The following FAM210B variants were observed in gnomAD, a reference collection of about 807,000 sequenced individuals.
FAM210B encodes mitochondrial inner membrane scaffold 2.
In FAM210B, 11 loss-of-function variants were observed where a neutral mutation model predicts 14.9. The ratio of observed to expected loss-of-function variants is 0.74; its 90% confidence interval spans 0.46 to 1.22. The LOEUF (loss-of-function observed/expected upper bound fraction) is 1.22, where lower values mean the gene tolerates loss of function less well. Ranked by LOEUF, FAM210B falls within the 50% of genes most tolerant of loss-of-function variation. The probability of loss-of-function intolerance (pLI) is 0.00; values close to 1 mark genes in which losing one functional copy is unlikely to be tolerated. For synonymous variants in FAM210B, 113 were observed against 110.2 expected, an observed-to-expected ratio of 1.03 and a Z score of -0.16; for missense variants, 229 against 250.1, an observed-to-expected ratio of 0.92 and a Z score of 0.57.
rs557293763 is a variant in FAM210B at position 56,368,002 on chromosome 20, T to C, written c.*1715T>C. On this transcript the variant is annotated 3_prime_UTR_variant, in exon 3 of 3. Transcript: ENST00000371384. ...AGATCAGGTTGTTGACAGTTCCTGGTTGACCCACAGCTACCCATGTCAGTT... is the reference window on the plus strand; with the variant it reads ...AGATCAGGTTGTTGACAGTTCCTGGCTGACCCACAGCTACCCATGTCAGTT... 6.6e-6 allele frequency: 1 copy of C among 152,560 alleles called. No individual in the cohort carries two copies. The highest frequency in any genetic ancestry group is 2.4e-5 in the African/African-American group (1 of 41,594). 9.5% of individuals were successfully genotyped at this position (152,560 alleles called of 1,614,324 possible).
chr20:56,359,243 G>T lies in FAM210B; in HGVS notation c.186+52G>T, dbSNP rs990023403. The T allele has an allele frequency of 2.8e-5, 34 of 1,216,048 alleles. No homozygotes were observed. Among genetic ancestry groups the T allele is most frequent in the Non-Finnish European group, 3.4e-5 (33 of 978,320 alleles). 75.3% of individuals were successfully genotyped at this position (1,216,048 alleles called of 1,614,324 possible). A position where few individuals can be genotyped will look rare whatever the true frequency, so the allele number is the denominator to read the frequency against. On this transcript the variant is annotated intron_variant, in intron 1 of 2. Transcript: ENST00000371384. The surrounding 1 kb of genome is among the most constrained non-coding windows in gnomAD (Gnocchi z 4.3). ...CCGGGCGGTGTCCAGGTCCCCAGACGTCCGCAGGGCCGCGCCGGGGTCCGG... is the reference window on the plus strand; with the variant it reads ...CCGGGCGGTGTCCAGGTCCCCAGACTTCCGCAGGGCCGCGCCGGGGTCCGG...
Position 56,368,023 on chromosome 20 carries a change from C to G in FAM210B, c.*1736C>G, listed in dbSNP as rs1327581151. ...CTGGTTGACCCACAGCTACCCATGT[C>G]AGTTATCTCCACTAACATATCCAAG... On this transcript the variant is annotated 3_prime_UTR_variant, in exon 3 of 3. Transcript: ENST00000371384. The G allele has an allele frequency of 6.6e-6, 1 of 152,540 alleles. No individual in the cohort carries two copies. The allele number at this position is 152,540 out of a possible 1,614,324, so 9.4% of individuals were successfully genotyped here. A position where few individuals can be genotyped will look rare whatever the true frequency, so the allele number is the denominator to read the frequency against.
At position 56,359,412 on chromosome 20, in the gene FAM210B, C is replaced by T. The variant is rs577282221; in HGVS notation, c.186+221C>T. 9.2e-5 allele frequency among the ~76,000 whole-genome samples: 14 copies of T among 152,254 alleles called. No homozygotes were observed. The highest frequency in any genetic ancestry group is 1.9e-4 in the Non-Finnish European group (13 of 68,044). On this transcript the variant is annotated intron_variant, in intron 1 of 2. Coordinates refer to ENST00000371384, the MANE Select transcript of FAM210B (RefSeq NM_080821.3). The surrounding 1 kb of genome is among the most constrained non-coding windows in gnomAD (Gnocchi z 4.3). ...GAAACTGAGGCTCGGGAAGGTGTGG[C>T]GCTCTGCCCAAGGTCGCGCAGTCTT...
chr20:56,360,247 C>T (rs1027390495), intron 1 of FAM210B: 6 of 470,286 alleles, frequency 1.3e-5, no homozygotes, highest in East Asian at 6.9e-5. Flanking sequence ...CACACCGTGC[C>T]GCCTCCTGAT....
At position 56,363,635 on chromosome 20, in the gene FAM210B, A is replaced by C. The variant is rs552018513; in HGVS notation, c.187-1452A>C. On this transcript the variant is annotated intron_variant, in intron 1 of 2. Transcript: ENST00000371384. This position sits in a 1 kb window ranked among gnomAD's most constrained non-coding sequence, Gnocchi z 4.1. ...AGAAGTGGTTTTTTTCCCTCCCCTA[A>C]TGTGGGTGAGGTTGGTATTTTTGTT... Among the ~76,000 whole-genome samples, 2 of 152,088 alleles carry C rather than the reference A, an allele frequency of 1.3e-5. No homozygotes were observed. Among genetic ancestry groups the C allele is most frequent in the African/African-American group, 4.8e-5 (2 of 41,494 alleles).
Position 56,366,118 on chromosome 20 carries a change from C to T in FAM210B, c.410C>T (p.Ser137Phe). The change falls in exon 3 of 3, where the codon TCC (serine) becomes TTC (phenylalanine). Residue 137 changes from serine to phenylalanine, a missense_variant. Ser to Phe is a radical substitution (Grantham distance 155). Coordinates refer to ENST00000371384, the MANE Select transcript of FAM210B (RefSeq NM_080821.3). Reference sequence around the variant, plus strand: ...CTGCTGAAACTCGGATTTAAAGAGTCCCTGGTACAGTCAAAAATGGCAGCA... The same window carrying T: ...CTGCTGAAACTCGGATTTAAAGAGTTCCTGGTACAGTCAAAAATGGCAGCA... ...AILLKLGFKE[S>F]LVQSKMAAGT... is the part of the protein sequence containing the mutation. 2 of 1,614,168 alleles carry T rather than the reference C, an allele frequency of 1.2e-6. No homozygotes were observed. Among genetic ancestry groups the T allele is most frequent in the Non-Finnish European group, 1.7e-6 (2 of 1,180,036 alleles).
chr20:56,365,221 CT>C lies in FAM210B; in HGVS notation c.322del (p.Ser108HisfsTer2). On this transcript the variant is annotated frameshift_variant, in exon 2 of 3. Coordinates refer to ENST00000371384, the MANE Select transcript of FAM210B (RefSeq NM_080821.3). LOFTEE classifies it high-confidence loss of function. ...TTGGCGTGTCATTGCACATTGGAAT[CT>C]CATTAATTTCCTTGGGCATATTTTA... ...TVGVSLHIGI[S>X]LISLGIFYMV... The C allele has an allele frequency of 6.2e-7, 1 of 1,613,994 alleles. No homozygotes were observed. Among genetic ancestry groups the C allele is most frequent in the Non-Finnish European group, 8.5e-7 (1 of 1,179,970 alleles).
intron 1 of FAM210B, among the ~76,000 whole-genome samples, chr20:56,361,063 C>T (rs1027210733): frequency 2.6e-5 from 4 of 151,988 alleles, no homozygotes; most frequent in African/African-American, 9.7e-5. Flanking sequence ...AGAGACCTGC[C>T]TTTTTGTCTT....
chr20:56,364,978 G>A lies in FAM210B; in HGVS notation c.187-109G>A, dbSNP rs367747003. On this transcript the variant is annotated intron_variant, in intron 1 of 2. Transcript: ENST00000371384. ...CAAAAGAAAAAGGAAAGGGGTAACT[G>A]ATCTCTCATCCAGCAGGAAAGAGTA... 2.5e-4 allele frequency: 263 copies of A among 1,071,112 alleles called. 3 individuals are homozygous for A. The African/African-American group carries it at 4.0e-3, about 16-fold the overall frequency. The allele number at this position is 1,071,112 out of a possible 1,614,324, so 66.4% of individuals were successfully genotyped here.
intron 1 of FAM210B, among the ~76,000 whole-genome samples, chr20:56,360,961 A>G (rs1983519929): frequency 6.6e-6 from 1 of 152,162 alleles, no homozygotes; most frequent in Non-Finnish European, 1.5e-5. Context: ...TGGGCTCTCC[A>G]AATTTGCCAG....
At chr20:56,364,373 C>G (rs982558589) in intron 1 of FAM210B, among the ~76,000 whole-genome samples, 1 of 152,230 alleles carries the variant, frequency 6.6e-6, no homozygotes, top group Non-Finnish European at 1.5e-5. Flanking sequence ...CTTCAGCTCT[C>G]TCACTCTGCT....
Position 56,359,861 on chromosome 20 carries a change from G to C in FAM210B, c.186+670G>C, listed in dbSNP as rs1025538682. 6.6e-6 allele frequency among the ~76,000 whole-genome samples: 1 copy of C among 152,248 alleles called. No individual in the cohort carries two copies. The highest frequency in any genetic ancestry group is 2.4e-5 in the African/African-American group (1 of 41,470). On this transcript the variant is annotated intron_variant, in intron 1 of 2. Coordinates refer to ENST00000371384, the MANE Select transcript of FAM210B (RefSeq NM_080821.3). The surrounding 1 kb of genome is among the most constrained non-coding windows in gnomAD (Gnocchi z 4.3). ...GCGGAGCCGGCGTCCAGCCCGGAGCGCATCCGGCCTGGCAGTCTGGAGCCT... is the reference window on the plus strand; with the variant it reads ...GCGGAGCCGGCGTCCAGCCCGGAGCCCATCCGGCCTGGCAGTCTGGAGCCT...
In FAM210B at chr20:56,367,749, A is replaced by C. The variant is rs1056732927; in HGVS notation, c.*1462A>C. The C allele has an allele frequency of 6.6e-6, 1 of 152,278 alleles. No homozygotes were observed. Among genetic ancestry groups the C allele is most frequent in the Non-Finnish European group, 1.5e-5 (1 of 68,080 alleles). 9.4% of individuals were successfully genotyped at this position (152,278 alleles called of 1,614,324 possible). ...TGTCCTGCGGGGTTCAGCATCATGC[A>C]CGTTCCCCCTGGGCCATTCTCTGAT... On this transcript the variant is annotated 3_prime_UTR_variant, in exon 3 of 3. Transcript: ENST00000371384.
In FAM210B at chr20:56,362,825, G is replaced by C. The variant is rs1327882591; in HGVS notation, c.187-2262G>C. Among the ~76,000 whole-genome samples the C allele has an allele frequency of 6.6e-6, 1 of 152,208 alleles. No homozygotes were observed. Among genetic ancestry groups the C allele is most frequent in the South Asian group, 2.1e-4 (1 of 4,834 alleles). On this transcript the variant is annotated intron_variant, in intron 1 of 2. Coordinates refer to ENST00000371384, the MANE Select transcript of FAM210B (RefSeq NM_080821.3). The surrounding 1 kb of genome is among the most constrained non-coding windows in gnomAD (Gnocchi z 4.8). ...GCCAAAATAAAGACTATAAAGAAGA[G>C]GGCCCTCGCAGAGACAGCTGCAGTC...
intron 1 of FAM210B, among the ~76,000 whole-genome samples, chr20:56,360,913 G>A (rs746343573): frequency 9.2e-5 from 14 of 152,308 alleles, no homozygotes; most frequent in Middle Eastern, 3.4e-3. Flanking sequence ...TGTTCTGGCC[G>A]CCCACCCTCG....
At chr20:56,361,432 A>G (rs1336940487) in intron 1 of FAM210B, among the ~76,000 whole-genome samples, 1 of 152,066 alleles carries the variant, frequency 6.6e-6, no homozygotes, top group Admixed American at 6.6e-5. Context: ...TGTCCCCTAC[A>G]CTGAGAACAG....
Position 56,363,773 on chromosome 20 carries a change from CT to C in FAM210B, c.187-1311del, listed in dbSNP as rs1331094336. Among the ~76,000 whole-genome samples the C allele has an allele frequency of 2.0e-5, 3 of 152,216 alleles. No individual in the cohort carries two copies. The highest frequency in any genetic ancestry group is 7.2e-5 in the African/African-American group (3 of 41,450). Reference sequence around the variant, plus strand: ...GGGCACTGTGCAAAAATCGCCCCCACTTTGTGTGTTTCAGATGTCAGGTGTA... The same window carrying C: ...GGGCACTGTGCAAAAATCGCCCCCACTTGTGTGTTTCAGATGTCAGGTGTA... On this transcript the variant is annotated intron_variant, in intron 1 of 2. Coordinates refer to ENST00000371384, the MANE Select transcript of FAM210B (RefSeq NM_080821.3). This position sits in a 1 kb window ranked among gnomAD's most constrained non-coding sequence, Gnocchi z 4.1.
rs1418468505 is a variant in FAM210B, at chr20:56,366,319, A to G, written c.*32A>G. On this transcript the variant is annotated 3_prime_UTR_variant, in exon 3 of 3. Transcript: ENST00000371384. ...CTTCAGTCGTACACACTGAAAACCT[A>G]TTTCTTCTAAATTACATGATTTGGA... is the stretch of plus-strand genomic sequence containing the variant. The G allele has an allele frequency of 3.8e-6, 6 of 1,596,800 alleles. No homozygotes were observed. Among genetic ancestry groups the G allele is most frequent in the Non-Finnish European group, 5.1e-6 (6 of 1,165,138 alleles).
intron 1 of FAM210B, chr20:56,360,416 A>G: frequency 2.8e-6 from 1 of 356,308 alleles, no homozygotes; most frequent in Non-Finnish European, 5.6e-6. Flanking sequence ...TGTCAGCCAC[A>G]TTGACCTTGT....
Sources: allele counts gnomAD v4.1 joint callset (sites outside exome capture counted in the v4.1 genomes callset), GRCh38; gene constraint gnomAD v4.1.1; non-coding constraint Gnocchi (gnomAD v3.1); transcripts MANE v1.5; gene names NCBI Gene and HGNC (gene_info 2026-07-23, HGNC 2026-07-21).